The following EDNRA variants were observed in gnomAD, a reference collection of about 807,000 sequenced individuals.
The protein encoded by EDNRA is endothelin-1 receptor.
Under a neutral mutation model 41.4 loss-of-function variants are expected in EDNRA, and 11 were observed. That is an observed-to-expected ratio of 0.27 (90% CI 0.17 to 0.44). The LOEUF is 0.44. Among genes scored for constraint, EDNRA ranks in the 20% least tolerant of loss-of-function variants. EDNRA has a pLI of 1.00. For missense variants in EDNRA, 294 were observed against 531.0 expected, an observed-to-expected ratio of 0.55 and a Z score of 4.39; for synonymous variants, 172 against 183.0, an observed-to-expected ratio of 0.94 and a Z score of 0.49.
intron 3 of EDNRA, among the ~76,000 whole-genome samples, chr4:147,531,966 T>C (rs1329066748): frequency 6.9e-6 from 1 of 145,414 alleles, no homozygotes; most frequent in Non-Finnish European, 1.5e-5. Context: ...GCTGAGATCC[T>C]GCCGCTGAAC....
intron 2 of EDNRA, chr4:147,489,348 G>A (rs1224044551): frequency 6.6e-6 from 1 of 152,082 alleles, no homozygotes; most frequent in Non-Finnish European, 1.5e-5. Context: ...TCTCCAGACA[G>A]ACAACATTGC....
At chr4:147,491,860 T>G (rs1240065315) in intron 2 of EDNRA, 1 of 152,232 alleles carries the variant, frequency 6.6e-6, no homozygotes, top group Admixed American at 6.5e-5. Flanking sequence ...AGATCTCTAT[T>G]CCTCACTGGT....
At chr4:147,534,892 A>T (rs1730866670) in intron 4 of EDNRA, among the ~76,000 whole-genome samples, 1 of 152,064 alleles carries the variant, frequency 6.6e-6, no homozygotes, top group Non-Finnish European at 1.5e-5. Context: ...TCCTCCCCCA[A>T]ATTTTTTGTC....
chr4:147,542,511 A>C lies in EDNRA; in HGVS notation c.1177A>C (p.Ser393Arg), dbSNP rs1731140691. 1 of 1,614,186 alleles carries C rather than the reference A, an allele frequency of 6.2e-7. No individual in the cohort carries two copies. Among genetic ancestry groups the C allele is most frequent in the East Asian group, 2.2e-5 (1 of 44,874 alleles). ...CTGCTGCTGCTGTTACCAGTCCAAA[A>C]GTCTGATGACCTCGGTCCCCATGAA... Reference protein sequence around the residue: ...CLCCCCYQSKSLMTSVPMNGT... With the variant: ...CLCCCCYQSKRLMTSVPMNGT... Residue 393 changes from serine to arginine, a missense_variant, in exon 8 of 8, where the codon AGT (serine) becomes CGT (arginine). Ser to Arg is a moderately radical substitution (Grantham distance 110). Transcript: ENST00000651419.
At chr4:147,501,407 A>G (rs1729512816) in intron 2 of EDNRA, among the ~76,000 whole-genome samples, 1 of 152,212 alleles carries the variant, frequency 6.6e-6, no homozygotes, top group Admixed American at 6.5e-5. Flanking sequence ...CTAATGTTTC[A>G]TGTTTTGAAT....
intron 6 of EDNRA, 60 bp downstream of exon 6, chr4:147,540,010 C>CT: frequency 6.5e-7 from 1 of 1,537,338 alleles, no homozygotes; most frequent in Non-Finnish European, 8.7e-7. Context: ...ATTTATAATA[C>CT]TTTTACAAAA....
At chr4:147,520,467 C>T (rs1244363929) in intron 3 of EDNRA, 2 of 518,946 alleles carry the variant, frequency 3.9e-6, no homozygotes, top group Non-Finnish European at 3.8e-6. Context: ...ACACCAGAAG[C>T]ATCCCTTTAT....
intron 2 of EDNRA, among the ~76,000 whole-genome samples, chr4:147,503,944 G>GA (rs377253611): frequency 0.015 from 2,242 of 151,786 alleles, 56 homozygotes; most frequent in African/African-American, 0.048. Flanking sequence ...ATATTTTTAT[G>GA]AAAAAAATTA....
intron 2 of EDNRA, among the ~76,000 whole-genome samples, chr4:147,508,391 G>A (rs182800193): frequency 2.6e-5 from 4 of 152,164 alleles, no homozygotes; most frequent in East Asian, 3.9e-4. Flanking sequence ...CACCCACTTC[G>A]GCCTCCCAAA....
chr4:147,540,548 A>G (rs1731063183), intron 7 of EDNRA, 63 bp downstream of exon 7: 2 of 1,134,934 alleles, frequency 1.8e-6, no homozygotes. Flanking sequence ...CAGTCAACAG[A>G]CACAGCCAAT....
At chr4:147,514,070 G>A (rs182306136) in intron 2 of EDNRA, among the ~76,000 whole-genome samples, 17 of 152,278 alleles carry the variant, frequency 1.1e-4, no homozygotes, top group African/African-American at 3.8e-4. Context: ...TCAAAATAAC[G>A]TTTGTGTGTT....
chr4:147,533,023 GTGTATA>G (rs757861750), intron 4 of EDNRA, among the ~76,000 whole-genome samples: 19 of 129,762 alleles, frequency 1.5e-4, no homozygotes, highest in African/African-American at 2.9e-4. Flanking sequence ...GTGTGTGTGT[GTGTATA>G]TATATATATA....
At chr4:147,484,597 A>G (rs1317282990) in intron 1 of EDNRA, among the ~76,000 whole-genome samples, 5 of 152,222 alleles carry the variant, frequency 3.3e-5, no homozygotes, top group African/African-American at 4.8e-5. Context: ...ATGCACATAT[A>G]GTACTGAGTA....
chr4:147,516,730 T>C (rs1730128583), intron 2 of EDNRA, among the ~76,000 whole-genome samples: 1 of 152,228 alleles, frequency 6.6e-6, no homozygotes, highest in Admixed American at 6.5e-5. Context: ...TGTCTTGTTT[T>C]GTTTTGTTTT....
intron 2 of EDNRA, among the ~76,000 whole-genome samples, chr4:147,507,676 C>T (rs1729768529): frequency 1.3e-5 from 2 of 152,106 alleles, no homozygotes; most frequent in Admixed American, 6.5e-5. Flanking sequence ...TAAATGCACA[C>T]AAATTAGTAT....
intron 2 of EDNRA, among the ~76,000 whole-genome samples, chr4:147,509,350 G>A (rs1729838921): frequency 6.6e-6 from 1 of 152,206 alleles, no homozygotes; most frequent in South Asian, 2.1e-4. Context: ...TGTACTAACA[G>A]TGCAAATGTC....
At chr4:147,491,285 C>T (rs1428006056) in intron 2 of EDNRA, 1 of 152,204 alleles carries the variant, frequency 6.6e-6, no homozygotes, top group Non-Finnish European at 1.5e-5. Flanking sequence ...GAGACATCCA[C>T]ATAGAGCCAG....
intron 2 of EDNRA, among the ~76,000 whole-genome samples, chr4:147,500,922 A>G (rs1296979818): frequency 2.0e-5 from 3 of 152,198 alleles, no homozygotes; most frequent in African/African-American, 7.2e-5. Flanking sequence ...CAGCTTGAAG[A>G]ACCAGAGCAT....
At chr4:147,539,764 C>G (rs1179445599) in intron 5 of EDNRA, 53 bp from the exon 6 acceptor site, 1 of 1,574,750 alleles carries the variant, frequency 6.4e-7, no homozygotes, top group African/African-American at 1.4e-5. Context: ...GTTCTTGCAT[C>G]TAGTATAAAA....
Sources: gnomAD v4.1 joint callset for allele counts (sites outside exome capture counted in the v4.1 genomes callset) on GRCh38, gnomAD v4.1.1 for gene constraint, MANE v1.5 for transcripts, NCBI Gene and HGNC (gene_info 2026-07-23, HGNC 2026-07-21) for gene names.